The following KMT5A variants were observed in gnomAD, a reference collection of about 807,000 sequenced individuals.
KMT5A encodes the protein N-lysine methyltransferase KMT5A.
KMT5A carries 6 observed loss-of-function variants against 40.6 expected under a neutral mutation model. The observed-to-expected ratio is 0.15, with a 90% CI of 0.08 to 0.29. The LOEUF (loss-of-function observed/expected upper bound fraction) is 0.29. KMT5A is among the 10% of genes least tolerant of loss of function. The pLI is 1.00. For missense variants in KMT5A, 308 were observed against 459.1 expected, an observed-to-expected ratio of 0.67 and a Z score of 3.01; for synonymous variants, 153 against 178.8, an observed-to-expected ratio of 0.86 and a Z score of 1.15.
In KMT5A at chr12:123,409,270, CT is replaced by C. The variant is rs1318131353; in HGVS notation, c.*1570del. On this transcript the variant is annotated 3_prime_UTR_variant, in exon 8 of 8. Transcript: ENST00000402868. ...TTGATTATACCTGTTTGTGGTTTAG[CT>C]TTGTATTTAAACAAGGAAATAAACT... is the stretch of plus-strand genomic sequence containing the variant. 1 of 152,582 alleles carries C rather than the reference CT, an allele frequency of 6.6e-6. No individual in the cohort carries two copies. Among genetic ancestry groups the C allele is most frequent in the Non-Finnish European group, 1.5e-5 (1 of 68,042 alleles). The allele number at this position is 152,582 out of a possible 1,614,324, so 9.5% of individuals were successfully genotyped here. A position where few individuals can be genotyped will look rare whatever the true frequency, so the allele number is the denominator to read the frequency against.
chr12:123,384,892 T>C lies in KMT5A; in HGVS notation c.10+684T>C, dbSNP rs759537559. On this transcript the variant is annotated intron_variant, in intron 1 of 7. Transcript: ENST00000402868. The surrounding 1 kb of genome is among the most constrained non-coding windows in gnomAD (Gnocchi z 5.7). ...GGAGGCGATGCCCTGTCTGAAGTCC[T>C]CTGCATACTTAGTTGGCTGTCAGGA... is the stretch of plus-strand genomic sequence containing the variant. 1.8e-4 allele frequency among the ~76,000 whole-genome samples: 28 copies of C among 152,336 alleles called. No individual in the cohort carries two copies. Among genetic ancestry groups the C allele is most frequent in the Non-Finnish European group, 3.2e-4 (22 of 68,010 alleles).
chr12:123,395,872 T>C (rs1359850037), intron 4 of KMT5A, among the ~76,000 whole-genome samples: 1 of 152,044 alleles, frequency 6.6e-6, no homozygotes, highest in African/African-American at 2.4e-5. Flanking sequence ...TGTTGTGTTT[T>C]TTGAGACAGG....
chr12:123,391,903 C>A (rs893089876), intron 3 of KMT5A, among the ~76,000 whole-genome samples: 4 of 152,222 alleles, frequency 2.6e-5, no homozygotes, highest in Admixed American at 6.5e-5. Flanking sequence ...GACAGGAGCC[C>A]ACCCTGTGCT....
rs1878767779 is a variant in KMT5A at position 123,408,619 on chromosome 12, A to G, written c.*916A>G. 7.3e-6 allele frequency: 1 copy of G among 137,172 alleles called. No individual in the cohort carries two copies. Among genetic ancestry groups the G allele is most frequent in the Non-Finnish European group, 1.5e-5 (1 of 65,540 alleles). 8.5% of individuals were successfully genotyped at this position (137,172 alleles called of 1,614,324 possible). On this transcript the variant is annotated 3_prime_UTR_variant, in exon 8 of 8. Coordinates refer to ENST00000402868, the MANE Select transcript of KMT5A (RefSeq NM_020382.7). ...TTTGCTTTTTGTAGAAGAGATTGAG[A>G]ATGGTACTCTAATCAAAAATAAAGT... is the stretch of plus-strand genomic sequence containing the variant.
intron 3 of KMT5A, among the ~76,000 whole-genome samples, chr12:123,394,104 C>CTTTTTTTTT (rs397711320): frequency 2.4e-5 from 3 of 125,074 alleles, no homozygotes; most frequent in African/African-American, 6.1e-5. Flanking sequence ...ATTTTTTTTT[C>CTTTTTTTTT]TTTTTTTTTT....
In KMT5A at chr12:123,390,821, C is replaced by T. The variant is rs752582632; in HGVS notation, c.289+35C>T. The T allele has an allele frequency of 6.8e-6, 11 of 1,607,952 alleles. No homozygotes were observed. The South Asian group carries it at 1.1e-4, about 16-fold the overall frequency. On this transcript the variant is annotated intron_variant, in intron 3 of 7. Coordinates refer to ENST00000402868, the MANE Select transcript of KMT5A (RefSeq NM_020382.7). ...TGAAATGGCCTCGTTCTGATCCCAG[C>T]TGGTCGGGTTGCAGAAGCCTCTGTC...
At chr12:123,407,288 G>C (rs1012606409) in intron 7 of KMT5A, among the ~76,000 whole-genome samples, 2 of 151,992 alleles carry the variant, frequency 1.3e-5, no homozygotes. Flanking sequence ...GCAGTGAGCC[G>C]TGATCGTGCC....
At chr12:123,391,079 C>G (rs1877283419) in intron 3 of KMT5A, 2 of 363,408 alleles carry the variant, frequency 5.5e-6, no homozygotes, top group Non-Finnish European at 1.0e-5. Flanking sequence ...CTCACAAGTG[C>G]TGAAAGTGCA....
intron 6 of KMT5A, 65 bp downstream of exon 6, chr12:123,403,697 G>T: frequency 6.3e-7 from 1 of 1,575,490 alleles, no homozygotes; most frequent in Non-Finnish European, 8.7e-7. Context: ...CCCTGGTCCC[G>T]TGGCTGAGAG....
chr12:123,401,138 A>ATCTT (rs1448557693), intron 5 of KMT5A, among the ~76,000 whole-genome samples: 14 of 101,820 alleles, frequency 1.4e-4, no homozygotes, highest in Non-Finnish European at 2.1e-4. Context: ...ACCAATATAT[A>ATCTT]TCTTTCTTTT....
chr12:123,389,411 T>C, intron 1 of KMT5A, 22 bp from the exon 2 acceptor site: 4 of 1,040,834 alleles, frequency 3.8e-6, no homozygotes, highest in Non-Finnish European at 4.6e-6. Context: ...CTCCCCCGCT[T>C]CCCCCGGGTC....
At position 123,408,317 on chromosome 12, in the gene KMT5A, C is replaced by T. The variant is rs1878722500; in HGVS notation, c.*614C>T. 2 of 152,642 alleles carry T rather than the reference C, an allele frequency of 1.3e-5. No individual in the cohort carries two copies. Among genetic ancestry groups the T allele is most frequent in the South Asian group, 4.1e-4 (2 of 4,826 alleles). 9.5% of individuals were successfully genotyped at this position (152,642 alleles called of 1,614,324 possible). A position where few individuals can be genotyped will look rare whatever the true frequency, so the allele number is the denominator to read the frequency against. ...GGCCGGGCATAGATTTCCTCTTCCACAAGCTGCCGCTTTTCTGGGCACCTT... is the reference window on the plus strand; with the variant it reads ...GGCCGGGCATAGATTTCCTCTTCCATAAGCTGCCGCTTTTCTGGGCACCTT... On this transcript the variant is annotated 3_prime_UTR_variant, in exon 8 of 8. Coordinates refer to ENST00000402868, the MANE Select transcript of KMT5A (RefSeq NM_020382.7).
At chr12:123,387,859 C>T (rs533063139) in intron 1 of KMT5A, among the ~76,000 whole-genome samples, 1 of 152,322 alleles carries the variant, frequency 6.6e-6, no homozygotes, top group Non-Finnish European at 1.5e-5. Flanking sequence ...GAGGCCCAGA[C>T]TGGGGAAGTG....
Position 123,407,805 on chromosome 12 carries a change from G to A in KMT5A, c.*102G>A. ...TTTTTTTACACACTTAATCTTAGCG[G>A]ATTACTTCAGATGTTTTTAAAAAGT... is the stretch of plus-strand genomic sequence containing the variant. On this transcript the variant is annotated 3_prime_UTR_variant, in exon 8 of 8. Transcript: ENST00000402868. 5.7e-6 allele frequency: 4 copies of A among 701,534 alleles called. No individual in the cohort carries two copies. Among genetic ancestry groups the A allele is most frequent in the South Asian group, 5.5e-5 (3 of 54,250 alleles). 43.5% of individuals were successfully genotyped at this position (701,534 alleles called of 1,614,324 possible). A position where few individuals can be genotyped will look rare whatever the true frequency, so the allele number is the denominator to read the frequency against.
chr12:123,396,232 T>C, intron 4 of KMT5A, 113 bp from the exon 5 acceptor site: 1 of 940,924 alleles, frequency 1.1e-6, no homozygotes, highest in Non-Finnish European at 1.6e-6. Context: ...GGTGTTTAAG[T>C]GACATCATCT....
In KMT5A at chr12:123,384,160, G is replaced by C. The variant is rs778539134; in HGVS notation, c.-39G>C. On this transcript the variant is annotated 5_prime_UTR_variant, in exon 1 of 8. Transcript: ENST00000402868. This position sits in a 1 kb window ranked among gnomAD's most constrained non-coding sequence, Gnocchi z 5.7. ...TTGTTGCAACTTTTTTCGAAAGCTG[G>C]GTTTCCCGGGAGATCCCAGGCGGTG... is the stretch of plus-strand genomic sequence containing the variant. The C allele has an allele frequency of 9.7e-5, 157 of 1,613,016 alleles. No individual in the cohort carries two copies. The highest frequency in any genetic ancestry group is 1.3e-4 in the Non-Finnish European group (155 of 1,179,506).
intron 3 of KMT5A, among the ~76,000 whole-genome samples, chr12:123,394,525 G>T (rs570413545): frequency 9.2e-5 from 14 of 152,324 alleles, no homozygotes; most frequent in African/African-American, 3.4e-4. Flanking sequence ...ACCCAGGCCA[G>T]TCTGCTGGGG....
intron 5 of KMT5A, among the ~76,000 whole-genome samples, chr12:123,399,264 C>G (rs984186216): frequency 1.3e-5 from 2 of 152,262 alleles, no homozygotes; most frequent in Non-Finnish European, 2.9e-5. Flanking sequence ...TGCCCTAGTT[C>G]CAACCTTGTA....
chr12:123,392,822 A>T (rs1187136042), intron 3 of KMT5A, among the ~76,000 whole-genome samples: 1 of 152,090 alleles, frequency 6.6e-6, no homozygotes, highest in Non-Finnish European at 1.5e-5. Context: ...ATTCTCTCTG[A>T]TTTCACCCAG....
Sources: allele counts gnomAD v4.1 joint callset (sites outside exome capture counted in the v4.1 genomes callset), GRCh38; gene constraint gnomAD v4.1.1; non-coding constraint Gnocchi (gnomAD v3.1); transcripts MANE v1.5; gene names NCBI Gene and HGNC (gene_info 2026-07-23, HGNC 2026-07-21).